Variants in BPTF observed in about 807,000 individuals in gnomAD.
BPTF encodes nucleosome-remodeling factor subunit BPTF.
BPTF carries 18 observed loss-of-function variants against 292.5 expected under a neutral mutation model. That is an observed-to-expected ratio of 0.06 (90% CI 0.04 to 0.09). The LOEUF (loss-of-function observed/expected upper bound fraction) is 0.09. Among genes scored for constraint, BPTF ranks in the 10% least tolerant of loss-of-function variants. The pLI is 1.00. For missense variants in BPTF, 2,726 were observed against 3,498.7 expected, an observed-to-expected ratio of 0.78 and a Z score of 5.57; for synonymous variants, 1,225 against 1,251.9, an observed-to-expected ratio of 0.98 and a Z score of 0.45.
At chr17:67,893,866 T>C (rs2061278427) in intron 6 of BPTF, 141 bp downstream of exon 6, 1 of 1,115,074 alleles carries the variant, frequency 9.0e-7, no homozygotes, top group Non-Finnish European at 1.3e-6. Flanking sequence ...ATTAGAGGCA[T>C]GAGTGTACTT....
At chr17:67,906,026 G>A (rs757748147) in intron 9 of BPTF, among the ~76,000 whole-genome samples, 5 of 152,026 alleles carry the variant, frequency 3.3e-5, no homozygotes, top group Non-Finnish European at 5.9e-5. Context: ...TTGTGCGCAC[G>A]TACCCTAGAA....
chr17:67,848,659 T>C lies in BPTF; in HGVS notation c.614-5281T>C, dbSNP rs1012976286. Among the ~76,000 whole-genome samples, 11 of 152,194 alleles carry C rather than the reference T, an allele frequency of 7.2e-5. 1 individual carries two copies. The highest frequency in any genetic ancestry group is 7.2e-4 in the Admixed American group (11 of 15,276). ...CAGTGCGTATTTAAAAACCAAGGCA[T>C]GATGAGTGCTGTTGACCAGTTCATC... is the stretch of plus-strand genomic sequence containing the variant. On this transcript the variant is annotated intron_variant, in intron 1 of 27. Transcript: ENST00000306378.
At chr17:67,889,131 C>T (rs540254236) in intron 4 of BPTF, among the ~76,000 whole-genome samples, 3 of 152,304 alleles carry the variant, frequency 2.0e-5, no homozygotes, top group Admixed American at 2.0e-4. Flanking sequence ...TGATGTAGAT[C>T]TGTAGCCTGC....
Position 67,874,877 on chromosome 17 carries a change from A to C in BPTF, c.1721A>C (p.Glu574Ala), listed in dbSNP as rs1456005252. Residue 574 changes from glutamate to alanine, a missense_variant, in exon 4 of 28, where the codon GAA becomes GCA. Transcript: ENST00000306378. ...GACATTGATAATGTTAAAAGCCCAG[A>C]AGAAACAGAAAAAGACAAGAATGAG... ...KGDIDNVKSP[E>A]ETEKDKNETE... 1 of 1,613,732 alleles carries C rather than the reference A, an allele frequency of 6.2e-7. No homozygotes were observed. Among genetic ancestry groups the C allele is most frequent in the African/African-American group, 1.3e-5 (1 of 74,910 alleles).
At chr17:67,873,092 A>G (rs2059844630) in intron 3 of BPTF, among the ~76,000 whole-genome samples, 1 of 152,184 alleles carries the variant, frequency 6.6e-6, no homozygotes, top group Non-Finnish European at 1.5e-5. Context: ...AAAAAAGTAA[A>G]AAATAAATTT....
intron 27 of BPTF, among the ~76,000 whole-genome samples, chr17:67,978,645 A>T (rs1465284866): frequency 1.3e-5 from 2 of 152,172 alleles, no homozygotes; most frequent in Non-Finnish European, 2.9e-5. Flanking sequence ...TCAGGAAAGC[A>T]ATGAGAATTA....
chr17:67,912,644 A>C lies in BPTF; in HGVS notation c.4760A>C (p.Glu1587Ala). The change falls in exon 11 of 28, where the codon GAA becomes GCA. Residue 1587 changes from glutamate (E) to alanine (A), a missense_variant. Coordinates refer to ENST00000306378, the MANE Select transcript of BPTF (RefSeq NM_182641.4). The part of the protein sequence containing the change: ...GESKRKTVIT[E>A]VTTMTSTVAT... ...TCTAAAAGAAAAACCGTCATCACAGAAGTCACCACGATGACCTCCACAGTG... is the reference window on the plus strand; with the variant it reads ...TCTAAAAGAAAAACCGTCATCACAGCAGTCACCACGATGACCTCCACAGTG... 1 of 1,614,090 alleles carries C rather than the reference A, an allele frequency of 6.2e-7. No homozygotes were observed. The highest frequency in any genetic ancestry group is 8.5e-7 in the Non-Finnish European group (1 of 1,180,030).
chr17:67,844,294 C>T (rs2057847124), intron 1 of BPTF, among the ~76,000 whole-genome samples: 1 of 150,462 alleles, frequency 6.6e-6, no homozygotes, highest in Non-Finnish European at 1.5e-5. Flanking sequence ...GTTGCCCAGG[C>T]TGGAGTGCAG....
Position 67,981,712 on chromosome 17 carries a change from C to A in BPTF, c.8727-540C>A, listed in dbSNP as rs189533820. 7.8e-5 allele frequency: 77 copies of A among 985,368 alleles called. 2 individuals carry two copies. The East Asian group carries it at 8.2e-3, about 105-fold the overall frequency. 61.0% of individuals were successfully genotyped at this position (985,368 alleles called of 1,614,324 possible). Reference sequence around the variant, plus strand: ...CTTTGACTTAGTCCTGGTAACTGTACAGTAATTTGGTTTACTAATGAAAGT... The same window carrying A: ...CTTTGACTTAGTCCTGGTAACTGTAAAGTAATTTGGTTTACTAATGAAAGT... On this transcript the variant is annotated intron_variant, in intron 27 of 27. Coordinates refer to ENST00000306378, the MANE Select transcript of BPTF (RefSeq NM_182641.4).
intron 1 of BPTF, among the ~76,000 whole-genome samples, chr17:67,827,207 T>C (rs1254703715): frequency 1.3e-5 from 2 of 152,218 alleles, no homozygotes; most frequent in Admixed American, 6.5e-5. Flanking sequence ...CTAGACATAA[T>C]TGCCGAAGAT....
intron 6 of BPTF, 126 bp downstream of exon 6, chr17:67,893,851 A>G: frequency 9.0e-7 from 1 of 1,115,588 alleles, no homozygotes; most frequent in East Asian, 2.5e-5. Context: ...GTCAGCAGAC[A>G]GGACATTAGA....
chr17:67,970,824 A>G (rs1312897227), intron 26 of BPTF, among the ~76,000 whole-genome samples: 1 of 152,188 alleles, frequency 6.6e-6, no homozygotes, highest in Non-Finnish European at 1.5e-5. Flanking sequence ...GCCCCCATCA[A>G]TAGATTTTTT....
At chr17:67,835,245 T>G (rs770940722) in intron 1 of BPTF, among the ~76,000 whole-genome samples, 2 of 152,082 alleles carry the variant, frequency 1.3e-5, no homozygotes, top group Non-Finnish European at 2.9e-5. Context: ...GAAAAGTTAG[T>G]TTCTCCTGTG....
intron 4 of BPTF, chr17:67,875,852 C>G: frequency 1.0e-6 from 1 of 985,580 alleles, no homozygotes; most frequent in Non-Finnish European, 1.3e-6. Flanking sequence ...ATTCATGCTG[C>G]TTGCTTACAG....
chr17:67,838,651 T>A (rs1452591780), intron 1 of BPTF, among the ~76,000 whole-genome samples: 1 of 152,176 alleles, frequency 6.6e-6, no homozygotes. Context: ...TAGTTTTTTA[T>A]ATTTTTTTAG....
intron 21 of BPTF, 109 bp from the exon 22 acceptor site, chr17:67,947,616 AC>A (rs2065908978): frequency 1.2e-6 from 1 of 811,846 alleles, no homozygotes; most frequent in Non-Finnish European, 1.9e-6. Context: ...TAAAATTCTT[AC>A]AGTTTCTTTA....
intron 5 of BPTF, among the ~76,000 whole-genome samples, chr17:67,892,556 C>T (rs555004146): frequency 1.7e-4 from 26 of 152,256 alleles, no homozygotes; most frequent in South Asian, 2.1e-4. Context: ...TTCAGCTAGC[C>T]GTGGTGACAG....
chr17:67,828,231 A>G (rs1368429663), intron 1 of BPTF, among the ~76,000 whole-genome samples: 1 of 152,056 alleles, frequency 6.6e-6, no homozygotes, highest in Non-Finnish European at 1.5e-5. Context: ...CGCCCAGCCT[A>G]GTACGTTTTT....
intron 1 of BPTF, among the ~76,000 whole-genome samples, chr17:67,830,925 A>G (rs2056612111): frequency 6.6e-6 from 1 of 152,226 alleles, no homozygotes; most frequent in Non-Finnish European, 1.5e-5. Flanking sequence ...AACATGAAAC[A>G]GAACCATATC....
Sources: gnomAD v4.1 joint callset for allele counts (sites outside exome capture counted in the v4.1 genomes callset) on GRCh38, gnomAD v4.1.1 for gene constraint, MANE v1.5 for transcripts, NCBI Gene and HGNC (gene_info 2026-07-23, HGNC 2026-07-21) for gene names.